The following PDE4D variants were observed in gnomAD, a reference collection of about 807,000 sequenced individuals.
The protein encoded by PDE4D is 3',5'-cyclic-AMP phosphodiesterase 4D.
A neutral mutation model predicts 87.4 loss-of-function variants in PDE4D; 24 were observed. The observed-to-expected ratio is 0.27, with a 90% CI of 0.20 to 0.39. PDE4D has a LOEUF of 0.39. PDE4D is among the 10% of genes least tolerant of loss of function. PDE4D has a pLI of 1.00. For missense variants in PDE4D, 714 were observed against 1,041.0 expected, an observed-to-expected ratio of 0.69 and a Z score of 4.32; for synonymous variants, 384 against 383.2, an observed-to-expected ratio of 1.00 and a Z score of -0.02.
At chr5:60,024,939 T>C (rs1188193290) in intron 2 of PDE4D, among the ~76,000 whole-genome samples, 1 of 151,992 alleles carries the variant, frequency 6.6e-6, no homozygotes, top group Non-Finnish European at 1.5e-5. Context: ...GGTTTGTTTG[T>C]TTCAAAAGCA....
chr5:59,159,034 T>C (rs1195628353), intron 5 of PDE4D, among the ~76,000 whole-genome samples: 3 of 152,192 alleles, frequency 2.0e-5, no homozygotes, highest in South Asian at 2.1e-4. Flanking sequence ...AACTAAAGCA[T>C]CTAAAGAGTG....
chr5:59,768,871 G>C (rs1277376894), intron 1 of PDE4D, among the ~76,000 whole-genome samples: 1 of 152,172 alleles, frequency 6.6e-6, no homozygotes, highest in Non-Finnish European at 1.5e-5. Context: ...GACTTCTGCT[G>C]CTTATGTACA....
intron 1 of PDE4D, among the ~76,000 whole-genome samples, chr5:59,402,228 G>C (rs1231957445): frequency 2.6e-5 from 4 of 152,204 alleles, no homozygotes; most frequent in Non-Finnish European, 5.9e-5. Context: ...TATTGTGATA[G>C]AGTGACCTCT....
intron 1 of PDE4D, among the ~76,000 whole-genome samples, chr5:59,821,764 A>G (rs769726409): frequency 2.0e-5 from 3 of 152,150 alleles, no homozygotes; most frequent in Non-Finnish European, 2.9e-5. Flanking sequence ...GATTTGTATC[A>G]TTTCCAATTT....
chr5:59,434,604 T>C (rs769456985), intron 1 of PDE4D, among the ~76,000 whole-genome samples: 12 of 152,100 alleles, frequency 7.9e-5, no homozygotes, highest in Non-Finnish European at 1.8e-4. Flanking sequence ...AGAGTTCACA[T>C]TTTTCTGCTG....
intron 1 of PDE4D, among the ~76,000 whole-genome samples, chr5:59,817,677 G>A (rs1004328991): frequency 4.6e-5 from 7 of 151,916 alleles, no homozygotes; most frequent in Non-Finnish European, 1.0e-4. Flanking sequence ...TATAAGAAGA[G>A]GCAAAGAGCT....
chr5:59,769,373 C>G (rs1364943027), intron 1 of PDE4D, among the ~76,000 whole-genome samples: 1 of 152,186 alleles, frequency 6.6e-6, no homozygotes, highest in Non-Finnish European at 1.5e-5. Flanking sequence ...TGCATTTAAA[C>G]TAATGCCCCT....
At chr5:59,898,325 A>G (rs1751884623), upstream of PDE4D, among the ~76,000 whole-genome samples, 1 of 152,228 alleles carries the variant, frequency 6.6e-6, no homozygotes, top group African/African-American at 2.4e-5. Context: ...TACTGCATTG[A>G]CAAACATGCA....
intron 1 of PDE4D, among the ~76,000 whole-genome samples, chr5:59,777,967 A>C (rs1764244905): frequency 6.6e-6 from 1 of 152,242 alleles, no homozygotes. Context: ...TATGTCTGTT[A>C]ATAAATTATA....
At chr5:59,598,105 T>C (rs16890021) in intron 1 of PDE4D, among the ~76,000 whole-genome samples, 5,582 of 152,274 alleles carry the variant, frequency 0.037, 303 homozygotes, top group African/African-American at 0.12. Context: ...CTGTATCTTA[T>C]ACTTTTCTCT....
At chr5:59,422,343 CCTT>C (rs1794609873) in intron 1 of PDE4D, among the ~76,000 whole-genome samples, 1 of 152,106 alleles carries the variant, frequency 6.6e-6, no homozygotes, top group Admixed American at 6.6e-5. Context: ...CCTAGAGCAA[CCTT>C]CTTAGGGCAA....
chr5:59,565,361 A>T (rs1221953341), intron 1 of PDE4D, among the ~76,000 whole-genome samples: 2 of 152,190 alleles, frequency 1.3e-5, no homozygotes, highest in Non-Finnish European at 2.9e-5. Flanking sequence ...TTTACAAAAA[A>T]ATAAAAAATG....
At chr5:59,844,756 T>C (rs1389459568) in intron 1 of PDE4D, among the ~76,000 whole-genome samples, 1 of 152,006 alleles carries the variant, frequency 6.6e-6, no homozygotes, top group Non-Finnish European at 1.5e-5. Context: ...GTCACTCCCA[T>C]GATTAGGTTA....
At chr5:59,073,941 G>A (rs1196645196) in intron 5 of PDE4D, among the ~76,000 whole-genome samples, 3 of 152,098 alleles carry the variant, frequency 2.0e-5, no homozygotes, top group Non-Finnish European at 4.4e-5. Context: ...ACTGTGCTGA[G>A]GATGGGTGAC....
At chr5:59,312,629 G>T (rs1178415560) in intron 1 of PDE4D, among the ~76,000 whole-genome samples, 1 of 152,112 alleles carries the variant, frequency 6.6e-6, no homozygotes, top group Non-Finnish European at 1.5e-5. Flanking sequence ...TCTCCTGAGG[G>T]ACTAGTCCTA....
At chr5:60,426,582 A>G (rs1743739284) in intron 1 of PDE4D, among the ~76,000 whole-genome samples, 1 of 152,178 alleles carries the variant, frequency 6.6e-6, no homozygotes, top group Admixed American at 6.5e-5. Flanking sequence ...CCTAATGTAA[A>G]TGATGAGTTG....
intron 1 of PDE4D, among the ~76,000 whole-genome samples, chr5:60,235,967 TG>T (rs1209360010): frequency 1.3e-5 from 2 of 151,902 alleles, no homozygotes; most frequent in African/African-American, 4.8e-5. Flanking sequence ...TTAACATCAG[TG>T]GAAAAGCAGT....
intron 5 of PDE4D, among the ~76,000 whole-genome samples, chr5:59,051,591 A>G (rs924381003): frequency 2.0e-5 from 3 of 152,184 alleles, no homozygotes; most frequent in African/African-American, 7.2e-5. Context: ...AGCTTGGGAA[A>G]TATTGTATAT....
chr5:59,518,997 G>A (rs1811697972), intron 1 of PDE4D, among the ~76,000 whole-genome samples: 1 of 152,178 alleles, frequency 6.6e-6, no homozygotes, highest in South Asian at 2.1e-4. Flanking sequence ...AGACAAAGCA[G>A]GTGTTAATAA....
Sources: allele counts gnomAD v4.1 joint callset (sites outside exome capture counted in the v4.1 genomes callset), GRCh38; gene constraint gnomAD v4.1.1; transcripts MANE v1.5; gene names NCBI Gene and HGNC (gene_info 2026-07-23, HGNC 2026-07-21).